The following TRAF5 variants were observed in gnomAD, a reference collection of about 807,000 sequenced individuals.
TRAF5 encodes TNF receptor associated factor 5, also known as TNF receptor-associated factor 5.
Under a neutral mutation model 64.5 loss-of-function variants are expected in TRAF5, and 48 were observed. The observed-to-expected ratio is 0.74, with a 90% CI of 0.59 to 0.95. The LOEUF (loss-of-function observed/expected upper bound fraction) is 0.95, where lower values mean the gene tolerates loss of function less well. Among genes scored for constraint, TRAF5 ranks in the 40% least tolerant of loss-of-function variants. The probability of loss-of-function intolerance (pLI) is 0.00; values close to 1 mark genes in which losing one functional copy is unlikely to be tolerated. For missense variants in TRAF5, 545 were observed against 662.8 expected, an observed-to-expected ratio of 0.82 and a Z score of 1.95; for synonymous variants, 206 against 240.5, an observed-to-expected ratio of 0.86 and a Z score of 1.33.
intron 7 of TRAF5, among the ~76,000 whole-genome samples, chr1:211,362,284 T>C (rs1344335679): frequency 6.6e-6 from 1 of 152,236 alleles, no homozygotes; most frequent in Non-Finnish European, 1.5e-5. Context: ...TATGTCATGC[T>C]CTGTATTATT....
In TRAF5 at chr1:211,365,431, G is replaced by A. The variant is rs143383996; in HGVS notation, c.752G>A (p.Arg251His). The A allele has an allele frequency of 4.6e-5, 75 of 1,613,662 alleles. No individual in the cohort carries two copies. The highest frequency in any genetic ancestry group is 1.6e-4 in the Middle Eastern group (1 of 6,082). Reference sequence around the variant, plus strand: ...CATTCAGCCTTACGGGAGCACATGCGTTTGGTTTTAGAAAAGAATGTCCAA... The same window carrying A: ...CATTCAGCCTTACGGGAGCACATGCATTTGGTTTTAGAAAAGAATGTCCAA... ...HEHSALREHM[R>H]LVLEKNVQLE... The change falls in exon 8 of 11, where the codon CGT (arginine) becomes CAT (histidine). Residue 251 changes from arginine to histidine, a missense_variant. By Grantham distance (29) the Arg-to-His change is conservative (BLOSUM62 0). Coordinates refer to ENST00000261464, the MANE Select transcript of TRAF5 (RefSeq NM_001033910.3).
At chr1:211,339,101 A>AT (rs1386239667) in intron 1 of TRAF5, among the ~76,000 whole-genome samples, 4 of 152,222 alleles carry the variant, frequency 2.6e-5, no homozygotes, top group Non-Finnish European at 5.9e-5. Flanking sequence ...GAAAGTCTAT[A>AT]TTCAAATCCC....
At chr1:211,360,121 A>T in intron 5 of TRAF5, 45 bp downstream of exon 5, 1 of 1,577,734 alleles carries the variant, frequency 6.3e-7, no homozygotes, top group Non-Finnish European at 8.7e-7. Flanking sequence ...GAGCTAAATT[A>T]TGCCTGAGTG....
chr1:211,333,334 G>A (rs1053745420), intron 1 of TRAF5, among the ~76,000 whole-genome samples: 2 of 149,656 alleles, frequency 1.3e-5, no homozygotes, highest in African/African-American at 4.9e-5. Flanking sequence ...GATTACAGGC[G>A]CCTGCCACCA....
At chr1:211,341,104 A>G (rs1702437556) in intron 1 of TRAF5, among the ~76,000 whole-genome samples, 1 of 151,912 alleles carries the variant, frequency 6.6e-6, no homozygotes, top group Non-Finnish European at 1.5e-5. Context: ...GGGCACACCC[A>G]CCCCCATTTG....
At position 211,365,430 on chromosome 1, in the gene TRAF5, C is replaced by A. The variant is rs747360071; in HGVS notation, c.751C>A (p.Arg251Ser). ...GCATTCAGCCTTACGGGAGCACATGCGTTTGGTTTTAGAAAAGAATGTCCA... is the reference window on the plus strand; with the variant it reads ...GCATTCAGCCTTACGGGAGCACATGAGTTTGGTTTTAGAAAAGAATGTCCA... ...HEHSALREHM[R>S]LVLEKNVQLE... The change falls in exon 8 of 11, where the codon CGT becomes AGT. Residue 251 changes from arginine (R) to serine (S), a missense_variant. Transcript: ENST00000261464. 1.9e-6 allele frequency: 3 copies of A among 1,613,690 alleles called. No homozygotes were observed. The highest frequency in any genetic ancestry group is 2.5e-6 in the Non-Finnish European group (3 of 1,179,820).
chr1:211,372,396 G>A lies in TRAF5; in HGVS notation c.1368G>A (p.Gly456=). The A allele has an allele frequency of 6.2e-7, 1 of 1,614,140 alleles. No individual in the cohort carries two copies. The highest frequency in any genetic ancestry group is 8.5e-7 in the Non-Finnish European group (1 of 1,180,014). ...TGAATGGGGATGGGTCAGGGAGGGG[G>A]TCACACCTGTCCCTATACTTTGTGG... The part of the protein sequence containing the change: ...AYLNGDGSGR[G]SHLSLYFVVM... The change falls in exon 11 of 11, where the codon GGG becomes GGA. Residue 456 remains glycine (G), a synonymous_variant. Transcript: ENST00000261464.
intron 1 of TRAF5, among the ~76,000 whole-genome samples, chr1:211,339,875 C>A (rs1702401574): frequency 6.6e-6 from 1 of 152,200 alleles, no homozygotes; most frequent in African/African-American, 2.4e-5. Flanking sequence ...CCTCCCAGCT[C>A]TGGGTAGTAG....
chr1:211,345,864 TCTTCCCATC>T (rs1417525434), intron 1 of TRAF5, among the ~76,000 whole-genome samples: 1 of 152,164 alleles, frequency 6.6e-6, no homozygotes, highest in African/African-American at 2.4e-5. Context: ...CTCTTCCCAC[TCTTCCCATC>T]CCAGTGCCTC....
chr1:211,357,525 A>G (rs1396447755), intron 4 of TRAF5: 1 of 152,228 alleles, frequency 6.6e-6, no homozygotes, highest in Non-Finnish European at 1.5e-5. Flanking sequence ...AAACTGGCTT[A>G]TGGAGAGCAG....
At chr1:211,357,782 CAAA>C (rs1292277509) in intron 4 of TRAF5, 3 of 152,126 alleles carry the variant, frequency 2.0e-5, no homozygotes, top group African/African-American at 7.2e-5. Flanking sequence ...ATCTCACTGT[CAAA>C]AAACTGTTTG....
At chr1:211,329,076 G>A (rs1702094553) in intron 1 of TRAF5, among the ~76,000 whole-genome samples, 1 of 152,140 alleles carries the variant, frequency 6.6e-6, no homozygotes, top group Non-Finnish European at 1.5e-5. Flanking sequence ...ATGCCTCTGT[G>A]GTCTGTCCCC....
intron 1 of TRAF5, among the ~76,000 whole-genome samples, chr1:211,348,140 A>C (rs184824773): frequency 5.6e-4 from 85 of 152,324 alleles, no homozygotes; most frequent in African/African-American, 2.0e-3. Flanking sequence ...AAGCTAAATG[A>C]TATATGATAT....
intron 1 of TRAF5, among the ~76,000 whole-genome samples, chr1:211,341,056 T>C (rs1558133606): frequency 6.6e-6 from 1 of 152,080 alleles, no homozygotes; most frequent in Non-Finnish European, 1.5e-5. Flanking sequence ...GGGAGAGAAG[T>C]GTGAGTCTGA....
chr1:211,333,604 T>G (rs1422010652), intron 1 of TRAF5, among the ~76,000 whole-genome samples: 2 of 152,082 alleles, frequency 1.3e-5, no homozygotes, highest in Admixed American at 1.3e-4. Context: ...TTCAAGCGAG[T>G]CTGTCACCTC....
chr1:211,363,281 CA>C (rs1426535165), intron 7 of TRAF5, among the ~76,000 whole-genome samples: 1 of 151,950 alleles, frequency 6.6e-6, no homozygotes, highest in East Asian at 1.9e-4. Context: ...GTTTGTATAG[CA>C]AAAAAACCCC....
intron 7 of TRAF5, among the ~76,000 whole-genome samples, chr1:211,363,910 CAAAAA>C (rs35539677): frequency 3.5e-5 from 3 of 85,744 alleles, no homozygotes; most frequent in African/African-American, 8.9e-5. Flanking sequence ...GACCCTGTCT[CAAAAA>C]AAAAAAAAAA....
At chr1:211,347,566 G>A (rs1356233092) in intron 1 of TRAF5, among the ~76,000 whole-genome samples, 2 of 152,240 alleles carry the variant, frequency 1.3e-5, no homozygotes, top group African/African-American at 4.8e-5. Context: ...GTCAGTGAAT[G>A]ACTTAGGCCT....
intron 7 of TRAF5, 65 bp from the exon 8 acceptor site, chr1:211,365,298 TTTAGCAGAATATC>T: frequency 8.2e-7 from 1 of 1,215,210 alleles, no homozygotes; most frequent in East Asian, 2.5e-5. Context: ...AAGATTCTAT[TTTAGCAGAATATC>T]CTACCACCTC....
Sources: gnomAD v4.1 joint callset for allele counts (sites outside exome capture counted in the v4.1 genomes callset) on GRCh38, gnomAD v4.1.1 for gene constraint, MANE v1.5 for transcripts, NCBI Gene and HGNC (gene_info 2026-07-23, HGNC 2026-07-21) for gene names.